ROR1: variants seen among roughly 807,000 people sequenced by gnomAD.
The protein encoded by ROR1 is inactive tyrosine-protein kinase transmembrane receptor ROR1.
A neutral mutation model predicts 78.8 loss-of-function variants in ROR1; 19 were observed. That is an observed-to-expected ratio of 0.24 (90% CI 0.17 to 0.35). ROR1 has a LOEUF of 0.35. Ranked by LOEUF, ROR1 falls within the 10% of genes least tolerant of loss-of-function variation. The pLI is 1.00. For synonymous variants in ROR1, 386 were observed against 433.6 expected (o/e 0.89, Z 1.36); for missense variants, 917 against 1,177.8 (o/e 0.78, Z 3.24).
At chr1:64,142,706 T>A (rs1424637618) in intron 7 of ROR1, 56 bp downstream of exon 7, 1 of 1,598,486 alleles carries the variant, frequency 6.3e-7, no homozygotes, top group Non-Finnish European at 8.5e-7. Context: ...ATCCCTATCC[T>A]ACCCCTCTTA....
At chr1:63,974,704 C>T (rs892107487) in intron 1 of ROR1, among the ~76,000 whole-genome samples, 6 of 152,054 alleles carry the variant, frequency 3.9e-5, no homozygotes, top group Non-Finnish European at 8.8e-5. Flanking sequence ...GTGGTATGAT[C>T]GTAGCCCACT....
chr1:63,981,445 G>T (rs1431068636), intron 1 of ROR1, among the ~76,000 whole-genome samples: 2 of 152,100 alleles, frequency 1.3e-5, no homozygotes, highest in Non-Finnish European at 2.9e-5. Context: ...GGCCCAGATT[G>T]GTGCCCATTT....
intron 4 of ROR1, among the ~76,000 whole-genome samples, chr1:64,100,022 T>A (rs1647461439): frequency 6.6e-6 from 1 of 152,172 alleles, no homozygotes; most frequent in Admixed American, 6.5e-5. Context: ...ACCACTGCAG[T>A]CCAGCCTGGG....
intron 1 of ROR1, among the ~76,000 whole-genome samples, chr1:63,998,842 G>C (rs774470771): frequency 6.6e-6 from 1 of 152,182 alleles, no homozygotes; most frequent in Non-Finnish European, 1.5e-5. Context: ...TCCATGTGTT[G>C]AGGGACCCAG....
chr1:63,988,438 A>G (rs1022706938), intron 1 of ROR1, among the ~76,000 whole-genome samples: 7 of 152,214 alleles, frequency 4.6e-5, no homozygotes, highest in African/African-American at 1.4e-4. Flanking sequence ...ACTTTTAGCC[A>G]TGGGCAACTC....
chr1:63,987,404 T>G (rs900865231), intron 1 of ROR1, among the ~76,000 whole-genome samples: 1 of 152,220 alleles, frequency 6.6e-6, no homozygotes, highest in Non-Finnish European at 1.5e-5. Flanking sequence ...CCTGCCAACT[T>G]AACGCACTTG....
intron 8 of ROR1, 38 bp from the exon 9 acceptor site, chr1:64,177,390 A>G (rs368318432): frequency 1.3e-6 from 2 of 1,503,264 alleles, no homozygotes; most frequent in South Asian, 1.2e-5. Flanking sequence ...TTGCCTGAAG[A>G]TATGTTTTAA....
chr1:64,005,383 T>C (rs12081679), intron 1 of ROR1, among the ~76,000 whole-genome samples: 11,502 of 152,312 alleles, frequency 0.076, 1,474 homozygotes, highest in African/African-American at 0.26. Flanking sequence ...AAGTGTCAGA[T>C]AGTAGTGTTA....
chr1:63,817,157 A>T (rs1644897047), intron 1 of ROR1, among the ~76,000 whole-genome samples: 1 of 152,068 alleles, frequency 6.6e-6, no homozygotes, highest in Non-Finnish European at 1.5e-5. Context: ...CTGGGAGGGA[A>T]CTGGAGTTTT....
intron 1 of ROR1, among the ~76,000 whole-genome samples, chr1:63,949,759 C>G (rs550282784): frequency 6.6e-6 from 1 of 152,206 alleles, no homozygotes; most frequent in East Asian, 1.9e-4. Flanking sequence ...TTAAGTTTCT[C>G]AAAGGGGGTA....
At chr1:64,102,930 G>A (rs970868064) in intron 4 of ROR1, among the ~76,000 whole-genome samples, 1 of 152,124 alleles carries the variant, frequency 6.6e-6, no homozygotes, top group Non-Finnish European at 1.5e-5. Flanking sequence ...TCCAGACAGC[G>A]CCAGCTGTCC....
intron 2 of ROR1, among the ~76,000 whole-genome samples, chr1:64,021,103 G>A (rs1296834675): frequency 6.6e-6 from 1 of 151,878 alleles, no homozygotes; most frequent in Admixed American, 6.6e-5. Flanking sequence ...TACCTCAGAG[G>A]CCTCCTAGCC....
chr1:64,053,974 C>A lies in ROR1; in HGVS notation c.482+3258C>A, dbSNP rs1391299134. 2.1e-5 allele frequency among the ~76,000 whole-genome samples: 3 copies of A among 140,618 alleles called. No homozygotes were observed. The East Asian group carries it at 5.8e-4, about 27-fold the overall frequency. 92.3% of individuals were successfully genotyped at this position (140,618 alleles called of 152,430 possible). ...TATTTTATTTTATTTTATTTTGAAA[C>A]AAGGTCTGGCTCTATCACCCAGGCT... On this transcript the variant is annotated intron_variant, in intron 4 of 8. Transcript: ENST00000371079.
intron 1 of ROR1, among the ~76,000 whole-genome samples, chr1:63,932,717 T>G (rs1479501113): frequency 6.6e-6 from 1 of 152,188 alleles, no homozygotes; most frequent in East Asian, 1.9e-4. Context: ...AGGAGGTAGG[T>G]GACTCCTTTA....
intron 7 of ROR1, chr1:64,143,367 G>GA (rs113185883): frequency 0.44 from 343,828 of 789,952 alleles, 21,594 homozygotes; most frequent in African/African-American, 0.61. Context: ...CCAAAAAAAA[G>GA]AAAAAAAAAA....
At chr1:64,169,495 A>G (rs939870826) in intron 8 of ROR1, among the ~76,000 whole-genome samples, 3 of 152,164 alleles carry the variant, frequency 2.0e-5, no homozygotes, top group Non-Finnish European at 4.4e-5. Context: ...CCATGATTCA[A>G]TAACCTCCCA....
intron 4 of ROR1, among the ~76,000 whole-genome samples, chr1:64,075,025 AC>A (rs1422924720): frequency 1.3e-5 from 2 of 152,118 alleles, no homozygotes; most frequent in African/African-American, 2.4e-5. Flanking sequence ...CTCCTGACAT[AC>A]CTTATCTCAT....
At chr1:63,776,552 C>T (rs764201064) in intron 1 of ROR1, among the ~76,000 whole-genome samples, 26 of 152,132 alleles carry the variant, frequency 1.7e-4, no homozygotes, top group Non-Finnish European at 3.7e-4. Flanking sequence ...ACTGTCTTTC[C>T]ATACAATGTC....
chr1:64,176,931 A>G (rs949647624), intron 8 of ROR1, among the ~76,000 whole-genome samples: 6 of 152,264 alleles, frequency 3.9e-5, no homozygotes, highest in East Asian at 3.8e-4. Flanking sequence ...AAGTGATGCC[A>G]TCACACAGAG....
Sources: gnomAD v4.1 joint callset for allele counts (sites outside exome capture counted in the v4.1 genomes callset) on GRCh38, gnomAD v4.1.1 for gene constraint, MANE v1.5 for transcripts, NCBI Gene and HGNC (gene_info 2026-07-23, HGNC 2026-07-21) for gene names.